Variants in PAK6 observed in about 807,000 individuals in gnomAD.
PAK6 encodes serine/threonine-protein kinase PAK 6.
Under a neutral mutation model 60.8 loss-of-function variants are expected in PAK6, and 33 were observed. The ratio of observed to expected loss-of-function variants is 0.54; its 90% confidence interval spans 0.41 to 0.73. The LOEUF is 0.73. Among genes scored for constraint, PAK6 ranks in the 30% least tolerant of loss-of-function variants. The pLI is 0.00. For synonymous variants in PAK6, 404 were observed against 378.5 expected, an observed-to-expected ratio of 1.07 and a Z score of -0.78; for missense variants, 845 against 904.1, an observed-to-expected ratio of 0.93 and a Z score of 0.84.
intron 3 of PAK6, among the ~76,000 whole-genome samples, chr15:40,261,960 C>T (rs1213018567): frequency 6.6e-6 from 1 of 150,988 alleles, no homozygotes; most frequent in Non-Finnish European, 1.5e-5. Context: ...AGTCAGAGAC[C>T]ATTTGCTAAA....
chr15:40,275,280 G>GTTTTTTTTTTTTTTTTGTTTTTTT, intron 10 of PAK6, among the ~76,000 whole-genome samples: 1 of 56,486 alleles, frequency 1.8e-5, no homozygotes, highest in South Asian at 6.8e-4. Context: ...GTTGTTGTTG[G>GTTTTTTTTTTTTTTTTGTTTTTTT]TTTTTTTTTT....
At chr15:40,272,203 C>A in intron 5 of PAK6, 21 bp from the exon 6 acceptor site, 2 of 1,594,542 alleles carry the variant, frequency 1.3e-6, no homozygotes, top group South Asian at 1.1e-5. Context: ...CCTGACCCTT[C>A]CTGTTGCTTT....
intron 5 of PAK6, among the ~76,000 whole-genome samples, chr15:40,267,967 G>C (rs1055016823): frequency 6.6e-6 from 1 of 152,154 alleles, no homozygotes; most frequent in Non-Finnish European, 1.5e-5. Context: ...CACTGGGCTG[G>C]GCACTCATTT....
intron 5 of PAK6, among the ~76,000 whole-genome samples, chr15:40,269,227 C>T (rs2039233828): frequency 6.6e-6 from 1 of 152,224 alleles, no homozygotes; most frequent in Non-Finnish European, 1.5e-5. Context: ...CCATGTTGCC[C>T]AGGCTGGTCT....
chr15:40,266,046 C>T (rs779962106), exon 5 of PAK6: 21 of 1,607,764 alleles, frequency 1.3e-5, no homozygotes, highest in East Asian at 2.2e-5. Flanking sequence ...CCAGTCTGAG[C>T]GCACTGACCC....
intron 6 of PAK6, 27 bp downstream of exon 6, chr15:40,272,748 G>A (rs763491610): frequency 5.7e-5 from 90 of 1,576,832 alleles, no homozygotes; most frequent in Admixed American, 1.2e-4. Context: ...GGACACAGAC[G>A]GGGGCGTTGG....
intron 3 of PAK6, among the ~76,000 whole-genome samples, chr15:40,262,560 A>G (rs555133528): frequency 4.8e-4 from 73 of 152,274 alleles, no homozygotes; most frequent in South Asian, 1.0e-3. Context: ...GGCCAAAAGG[A>G]GGAGGACAAA....
chr15:40,276,044 T>C (rs2039447255), exon 11 of PAK6: 1 of 1,613,216 alleles, frequency 6.2e-7, no homozygotes, highest in Non-Finnish European at 8.5e-7. Flanking sequence ...GCTACCTGAG[T>C]GCCTGGTGCC....
At chr15:40,241,237 C>T (rs1438888796) in intron 2 of PAK6, among the ~76,000 whole-genome samples, 1 of 152,182 alleles carries the variant, frequency 6.6e-6, no homozygotes, top group African/African-American at 2.4e-5. Context: ...GCCCAGTGAG[C>T]TCGGGTTTAT....
intron 3 of PAK6, chr15:40,259,171 G>A (rs2038916802): frequency 2.6e-5 from 4 of 152,288 alleles, no homozygotes; most frequent in Admixed American, 1.3e-4. Context: ...AGATGGAGAT[G>A]CTAGAGGGGC....
intron 2 of PAK6, chr15:40,251,898 A>C (rs548535603): frequency 6.4e-6 from 1 of 156,046 alleles, no homozygotes; most frequent in South Asian, 2.0e-4. Flanking sequence ...GCTGAGGACA[A>C]GCAGAGGATG....
chr15:40,275,957 C>G lies in PAK6; in HGVS notation c.1909C>G (p.Arg637Gly), dbSNP rs766710648. Residue 637 changes from arginine (R) to glycine (G), a missense_variant, in exon 11 of 11, where the codon CGG becomes GGG. Physicochemically the swap from Arg to Gly is moderately radical, Grantham distance 125 (BLOSUM62 -2). Coordinates refer to ENST00000560346, the Ensembl canonical transcript of PAK6. ...CCCAGTGCTGCGAGACTTCCTGGAGCGGATGCTGGTGCGGGACCCCCAAGA... is the reference window on the plus strand; with the variant it reads ...CCCAGTGCTGCGAGACTTCCTGGAGGGGATGCTGGTGCGGGACCCCCAAGA... 1.5e-5 allele frequency: 25 copies of G among 1,613,116 alleles called. 1 individual carries two copies. In the South Asian group the frequency reaches 2.7e-4, roughly 18 times the overall value.
chr15:40,274,045 G>A, intron 9 of PAK6, 97 bp from the exon 10 acceptor site: 3 of 1,432,038 alleles, frequency 2.1e-6, no homozygotes, highest in Non-Finnish European at 2.9e-6. Context: ...AGGAGAGCTG[G>A]GGCCAGCTGT....
chr15:40,252,377 G>A (rs1189967031), intron 2 of PAK6: 2 of 1,320,608 alleles, frequency 1.5e-6, no homozygotes, highest in South Asian at 1.2e-5. Context: ...GCCAGGGCCC[G>A]GAGGCGAAGG....
exon 4 of PAK6, chr15:40,264,788 G>A: frequency 6.2e-7 from 1 of 1,613,726 alleles, no homozygotes; most frequent in Non-Finnish European, 8.5e-7. Context: ...CAGGCACCAT[G>A]TTCCGCAAGA....
intron 3 of PAK6, among the ~76,000 whole-genome samples, chr15:40,261,478 A>G (rs1308567315): frequency 6.6e-6 from 1 of 152,046 alleles, no homozygotes; most frequent in African/African-American, 2.4e-5. Context: ...CAGAGATTGC[A>G]GTGAGCTGAG....
intron 3 of PAK6, among the ~76,000 whole-genome samples, chr15:40,253,753 A>G (rs1436036626): frequency 6.6e-6 from 1 of 152,206 alleles, no homozygotes; most frequent in Non-Finnish European, 1.5e-5. Flanking sequence ...CCCACCGCTC[A>G]TTCCCCAGAT....
At chr15:40,277,277 T>G (rs2039481492) in exon 11 of PAK6, 1 of 152,392 alleles carries the variant, frequency 6.6e-6, no homozygotes, top group Non-Finnish European at 1.5e-5. Flanking sequence ...GAGATGGAAT[T>G]CCAGGAAAGA....
chr15:40,258,014 G>A lies in PAK6; in HGVS notation c.-6+4725G>A, dbSNP rs75325585. Among the ~76,000 whole-genome samples the A allele has an allele frequency of 1.8e-3, 274 of 152,292 alleles. 3 individuals are homozygous for A. The East Asian group carries it at 0.019, about 10-fold the overall frequency. On this transcript the variant is annotated intron_variant, in intron 3 of 10. Transcript: ENST00000560346. ...GCATCCTGTGCTGGACAGAACACAC[G>A]CCTGCTGTTTCTGTAGCTTTTCCTA...
Sources: allele counts gnomAD v4.1 joint callset (sites outside exome capture counted in the v4.1 genomes callset), GRCh38; gene constraint gnomAD v4.1.1; transcripts MANE v1.5; gene names NCBI Gene and HGNC (gene_info 2026-07-23, HGNC 2026-07-21).